The following CPPED1 variants were observed in gnomAD, a reference collection of about 807,000 sequenced individuals.
CPPED1 encodes the protein serine/threonine-protein phosphatase CPPED1.
A neutral mutation model predicts 28.0 loss-of-function variants in CPPED1; 28 were observed. The observed-to-expected ratio is 1.00, with a 90% CI of 0.74 to 1.37. CPPED1 has a LOEUF of 1.37. Ranked by LOEUF, CPPED1 falls within the 40% of genes most tolerant of loss-of-function variation. The probability of loss-of-function intolerance (pLI) is 0.00; values close to 1 mark genes in which losing one functional copy is unlikely to be tolerated. For missense variants in CPPED1, 504 were observed against 416.5 expected (o/e 1.21, Z -1.83); for synonymous variants, 198 against 180.2 (o/e 1.10, Z -0.79).
chr16:12,707,455 A>G (rs1596454436), intron 2 of CPPED1, among the ~76,000 whole-genome samples: 1 of 152,214 alleles, frequency 6.6e-6, no homozygotes, highest in South Asian at 2.1e-4. Context: ...GTCACAAACT[A>G]AGGTCGTTGC....
intron 2 of CPPED1, among the ~76,000 whole-genome samples, chr16:12,739,680 C>T (rs76359385): frequency 0.024 from 3,646 of 152,242 alleles, 60 homozygotes; most frequent in South Asian, 0.063. Flanking sequence ...CCTTTTTCTC[C>T]CATTTTTGCC....
chr16:12,770,013 C>A (rs1449064174), intron 2 of CPPED1, among the ~76,000 whole-genome samples: 2 of 152,088 alleles, frequency 1.3e-5, no homozygotes, highest in African/African-American at 4.8e-5. Flanking sequence ...ACAAACAGAT[C>A]CTACTTTAAT....
At chr16:12,688,032 ATT>A (rs555581530) in intron 3 of CPPED1, among the ~76,000 whole-genome samples, 12 of 143,786 alleles carry the variant, frequency 8.3e-5, no homozygotes, top group Non-Finnish European at 9.3e-5. Flanking sequence ...AACTCACACT[ATT>A]TTTTTTTTTT....
intron 1 of CPPED1, among the ~76,000 whole-genome samples, chr16:12,792,596 C>T (rs1224224930): frequency 6.6e-6 from 1 of 152,126 alleles, no homozygotes; most frequent in Non-Finnish European, 1.5e-5. Flanking sequence ...TGTCCCCACC[C>T]AAATCTCATC....
At chr16:12,725,100 T>G (rs1364232451) in intron 2 of CPPED1, among the ~76,000 whole-genome samples, 1 of 151,468 alleles carries the variant, frequency 6.6e-6, no homozygotes, top group Non-Finnish European at 1.5e-5. Flanking sequence ...TGATTCTTTT[T>G]GTTTTGTTTG....
At chr16:12,801,179 T>G (rs747582166) in intron 1 of CPPED1, among the ~76,000 whole-genome samples, 1 of 152,214 alleles carries the variant, frequency 6.6e-6, no homozygotes, top group Non-Finnish European at 1.5e-5. Context: ...CTGCAACTTC[T>G]GCTTCCCAGG....
intron 2 of CPPED1, among the ~76,000 whole-genome samples, chr16:12,725,331 G>A (rs374156337): frequency 5.9e-5 from 9 of 152,208 alleles, no homozygotes; most frequent in Non-Finnish European, 1.3e-4. Flanking sequence ...CTGACCTCAA[G>A]TGATCTGGCT....
At chr16:12,714,280 G>A (rs899665613) in intron 2 of CPPED1, among the ~76,000 whole-genome samples, 4 of 152,124 alleles carry the variant, frequency 2.6e-5, no homozygotes, top group Non-Finnish European at 5.9e-5. Context: ...AAGATGTGTG[G>A]ATATCTTTCA....
intron 3 of CPPED1, among the ~76,000 whole-genome samples, chr16:12,672,259 C>T (rs192546072): frequency 9.3e-4 from 141 of 152,268 alleles, no homozygotes; most frequent in Admixed American, 2.0e-4. Context: ...CTGTACATTC[C>T]CTTGGCCCAA....
chr16:12,713,179 CT>C (rs1567283702), intron 2 of CPPED1, among the ~76,000 whole-genome samples: 1 of 151,930 alleles, frequency 6.6e-6, no homozygotes, highest in Non-Finnish European at 1.5e-5. Flanking sequence ...GAATTGTGTT[CT>C]TTCTGAATCT....
chr16:12,711,575 G>GT (rs1193313487), intron 2 of CPPED1, among the ~76,000 whole-genome samples: 1 of 152,196 alleles, frequency 6.6e-6, no homozygotes, highest in Non-Finnish European at 1.5e-5. Flanking sequence ...AGGTTGGGCT[G>GT]TTGAGAGGGC....
chr16:12,720,323 C>G (rs1259391504), intron 2 of CPPED1: 1 of 154,350 alleles, frequency 6.5e-6, no homozygotes, highest in Admixed American at 6.5e-5. Flanking sequence ...TTCTTTGTAG[C>G]TGTACCTGAA....
chr16:12,734,205 G>A (rs1251640010), intron 2 of CPPED1, among the ~76,000 whole-genome samples: 1 of 151,180 alleles, frequency 6.6e-6, no homozygotes, highest in Non-Finnish European at 1.5e-5. Flanking sequence ...AAGTTGCTGG[G>A]ATTACAAGCA....
chr16:12,712,096 C>T (rs2080083159), intron 2 of CPPED1, among the ~76,000 whole-genome samples: 1 of 152,198 alleles, frequency 6.6e-6, no homozygotes, highest in African/African-American at 2.4e-5. Context: ...TCACGTTTAC[C>T]TGACAACTCG....
chr16:12,721,927 C>T (rs933575668), intron 2 of CPPED1, among the ~76,000 whole-genome samples: 3 of 152,128 alleles, frequency 2.0e-5, no homozygotes, highest in African/African-American at 7.2e-5. Flanking sequence ...ATAACAGATT[C>T]TGTGAATAGA....
At chr16:12,734,448 C>T (rs1017595442) in intron 2 of CPPED1, among the ~76,000 whole-genome samples, 13 of 152,000 alleles carry the variant, frequency 8.6e-5, no homozygotes, top group Admixed American at 2.0e-4. Flanking sequence ...GGTGCTATCT[C>T]AGCTCACTGC....
At chr16:12,737,426 C>T (rs2080232410) in intron 2 of CPPED1, among the ~76,000 whole-genome samples, 1 of 152,068 alleles carries the variant, frequency 6.6e-6, no homozygotes, top group Non-Finnish European at 1.5e-5. Flanking sequence ...ACAGGTGGGG[C>T]CCAGAGTGAC....
intron 2 of CPPED1, among the ~76,000 whole-genome samples, chr16:12,708,662 T>C (rs1327807549): frequency 6.6e-6 from 1 of 152,232 alleles, no homozygotes; most frequent in Non-Finnish European, 1.5e-5. Flanking sequence ...ATGCCAACAT[T>C]TGCATGATCT....
At chr16:12,688,435 A>T (rs2079944831) in intron 3 of CPPED1, among the ~76,000 whole-genome samples, 1 of 148,394 alleles carries the variant, frequency 6.7e-6, no homozygotes, top group Non-Finnish European at 1.5e-5. Context: ...TCCTGGGTTG[A>T]AGTGATTATT....
Sources: allele counts gnomAD v4.1 joint callset (sites outside exome capture counted in the v4.1 genomes callset), GRCh38; gene constraint gnomAD v4.1.1; transcripts MANE v1.5; gene names NCBI Gene and HGNC (gene_info 2026-07-23, HGNC 2026-07-21).